Variants in ADAMTS19 observed in about 807,000 individuals in gnomAD.
The protein encoded by ADAMTS19 is A disintegrin and metalloproteinase with thrombospondin motifs 19.
A neutral mutation model predicts 153.3 loss-of-function variants in ADAMTS19; 93 were observed. The ratio of observed to expected loss-of-function variants is 0.61; its 90% confidence interval spans 0.51 to 0.72. The LOEUF (loss-of-function observed/expected upper bound fraction) is 0.72, where lower values mean the gene tolerates loss of function less well. Among genes scored for constraint, ADAMTS19 ranks in the 30% least tolerant of loss-of-function variants. The pLI is 0.00. For synonymous variants in ADAMTS19, 600 were observed against 556.6 expected, an observed-to-expected ratio of 1.08 and a Z score of -1.10; for missense variants, 1,482 against 1,552.1, an observed-to-expected ratio of 0.95 and a Z score of 0.76.
rs56060749 is a variant in ADAMTS19, at chr5:129,602,826, CTGTG to C, written c.1478+6190_1478+6193del. The stretch of plus-strand genomic sequence containing the variant: ...TTTTTGTATTGTTGTCTTATATTCT[CTGTG>C]TGTGTGTGTGTGTGTGTGTGTGTGT... On this transcript the variant is annotated intron_variant, in intron 8 of 22. Transcript: ENST00000274487. Among the ~76,000 whole-genome samples the C allele has an allele frequency of 4.8e-3, 708 of 146,694 alleles. 2 individuals are homozygous for C. Among genetic ancestry groups the C allele is most frequent in the East Asian group, 0.029 (145 of 4,988 alleles).
At chr5:129,654,175 C>G in intron 13 of ADAMTS19, 131 bp from the exon 14 acceptor site, 1 of 846,018 alleles carries the variant, frequency 1.2e-6, no homozygotes, top group Non-Finnish European at 1.7e-6. Context: ...GTTATCTACT[C>G]TAACATTACA....
chr5:129,709,462 A>G (rs186854964), intron 21 of ADAMTS19, among the ~76,000 whole-genome samples: 57 of 152,264 alleles, frequency 3.7e-4, no homozygotes, highest in Non-Finnish European at 6.5e-4. Flanking sequence ...TTCATATATT[A>G]TATTGTCATA....
intron 8 of ADAMTS19, among the ~76,000 whole-genome samples, chr5:129,614,043 A>G (rs1380378044): frequency 6.6e-6 from 1 of 152,154 alleles, no homozygotes; most frequent in Non-Finnish European, 1.5e-5. Context: ...AGCAATAATT[A>G]ATAGCCTACC....
intron 20 of ADAMTS19, among the ~76,000 whole-genome samples, chr5:129,702,599 G>T (rs1329852598): frequency 2.6e-5 from 4 of 151,824 alleles, no homozygotes; most frequent in Non-Finnish European, 4.4e-5. Context: ...TACTATTCTA[G>T]GTTATACTGT....
At chr5:129,524,324 T>G (rs1271547769) in intron 3 of ADAMTS19, among the ~76,000 whole-genome samples, 1 of 152,104 alleles carries the variant, frequency 6.6e-6, no homozygotes, top group Non-Finnish European at 1.5e-5. Context: ...ATTAAAGACT[T>G]AAATGTAAAG....
intron 16 of ADAMTS19, among the ~76,000 whole-genome samples, chr5:129,672,897 A>G (rs1754371366): frequency 6.6e-6 from 1 of 151,966 alleles, no homozygotes; most frequent in Admixed American, 6.6e-5. Context: ...GGCTATTCAG[A>G]TATTCCTCTT....
At chr5:129,560,041 A>G (rs1012117579) in intron 7 of ADAMTS19, among the ~76,000 whole-genome samples, 1 of 152,214 alleles carries the variant, frequency 6.6e-6, no homozygotes, top group Non-Finnish European at 1.5e-5. Flanking sequence ...TTTATTTGGT[A>G]TGAAAATGTC....
Position 129,701,549 on chromosome 5 carries a change from G to A in ADAMTS19, c.3116G>A (p.Gly1039Asp), listed in dbSNP as rs762204037. 1.9e-6 allele frequency: 3 copies of A among 1,614,062 alleles called. No homozygotes were observed. The highest frequency in any genetic ancestry group is 2.5e-6 in the Non-Finnish European group (3 of 1,180,032). Residue 1039 changes from glycine (G) to aspartate (D), a missense_variant, in exon 20 of 23, where the codon GGC becomes GAC. Gly to Asp is a moderately conservative substitution (Grantham distance 94). Transcript: ENST00000274487. ...CCCGCCTCTGCCCAGCGCTGTGAGG[G>A]CCAGGACTGCATGACCGTGTGGGAG... is the stretch of plus-strand genomic sequence containing the variant. ...PKPASAQRCE[G>D]QDCMTVWEAG...
intron 6 of ADAMTS19, among the ~76,000 whole-genome samples, chr5:129,536,749 A>T (rs991444074): frequency 6.6e-6 from 1 of 152,206 alleles, no homozygotes; most frequent in African/African-American, 2.4e-5. Flanking sequence ...TGAAGAGTTC[A>T]TGTCCTTTGT....
At chr5:129,636,442 A>G (rs926633922) in intron 10 of ADAMTS19, among the ~76,000 whole-genome samples, 1 of 152,158 alleles carries the variant, frequency 6.6e-6, no homozygotes. Flanking sequence ...GGCCTCCATT[A>G]TATAGATATT....
intron 7 of ADAMTS19, among the ~76,000 whole-genome samples, chr5:129,572,450 T>C (rs1174797276): frequency 6.6e-6 from 1 of 151,958 alleles, no homozygotes; most frequent in African/African-American, 2.4e-5. Context: ...AAACTTACAT[T>C]CACCTAAAGC....
intron 11 of ADAMTS19, 145 bp from the exon 12 acceptor site, chr5:129,647,620 C>A: frequency 1.1e-6 from 1 of 881,294 alleles, no homozygotes. Flanking sequence ...AAACAAGTGC[C>A]AACTTATTTT....
intron 10 of ADAMTS19, among the ~76,000 whole-genome samples, chr5:129,627,722 A>G (rs1581162803): frequency 6.6e-6 from 1 of 152,158 alleles, no homozygotes; most frequent in African/African-American, 2.4e-5. Context: ...AGATAAATAC[A>G]TATCAAAACG....
chr5:129,611,381 G>A (rs906762402), intron 8 of ADAMTS19, among the ~76,000 whole-genome samples: 2 of 152,088 alleles, frequency 1.3e-5, no homozygotes, highest in Non-Finnish European at 2.9e-5. Flanking sequence ...TGTCCTGAAT[G>A]GTATTGCCTG....
rs778870140 is a variant in ADAMTS19 at position 129,461,462 on chromosome 5, C to T, written c.452C>T (p.Pro151Leu). 4.1e-4 allele frequency: 597 copies of T among 1,459,536 alleles called. 4 individuals carry two copies. Among genetic ancestry groups the T allele is most frequent in the Middle Eastern group, 3.8e-3 (16 of 4,254 alleles). 90.4% of individuals were successfully genotyped at this position (1,459,536 alleles called of 1,614,324 possible). ...GAPASWQPPP[P>L]PQPPPSPPPA... is the part of the protein sequence containing the mutation. ...CCGGCCTCGTGGCAGCCGCCGCCTC[C>T]CCCGCAGCCGCCCCCGTCCCCGCCC... Residue 151 changes from proline (P) to leucine (L), a missense_variant, in exon 2 of 23, where the codon CCC becomes CTC. By Grantham distance (98) the Pro-to-Leu change is moderately conservative. This residue lies in a region of ADAMTS19 where 866 missense variants were observed against 827.7 expected (regional missense o/e 1.05). Transcript: ENST00000274487. The surrounding 1 kb of genome is among the most constrained non-coding windows in gnomAD (Gnocchi z 4.6).
chr5:129,730,938 G>A (rs3979176), intron 21 of ADAMTS19, among the ~76,000 whole-genome samples: 4 of 125,302 alleles, frequency 3.2e-5, no homozygotes, highest in African/African-American at 1.3e-4. Context: ...TTTTTGTTTT[G>A]TTTTGTTTTG....
At chr5:129,641,489 T>C (rs1315421216) in intron 10 of ADAMTS19, among the ~76,000 whole-genome samples, 6 of 152,210 alleles carry the variant, frequency 3.9e-5, no homozygotes. Flanking sequence ...ACTGAATTTA[T>C]AACACAAAAA....
intron 7 of ADAMTS19, among the ~76,000 whole-genome samples, chr5:129,585,860 G>A (rs891611397): frequency 1.3e-5 from 2 of 152,112 alleles, no homozygotes; most frequent in Non-Finnish European, 2.9e-5. Context: ...CAGCTTTATT[G>A]TTGTTACTTT....
intron 13 of ADAMTS19, among the ~76,000 whole-genome samples, chr5:129,651,920 A>C (rs1753333585): frequency 6.6e-6 from 1 of 151,944 alleles, no homozygotes; most frequent in Non-Finnish European, 1.5e-5. Flanking sequence ...TTTGAATGTT[A>C]ATCCTGTCTC....
Sources: gnomAD v4.1 joint callset for allele counts (sites outside exome capture counted in the v4.1 genomes callset) on GRCh38, gnomAD v4.1.1 for gene constraint, gnomAD v4.1.1 regional missense constraint, Gnocchi (gnomAD v3.1) non-coding constraint, MANE v1.5 for transcripts, NCBI Gene and HGNC (gene_info 2026-07-23, HGNC 2026-07-21) for gene names.